Variants in XG observed in about 807,000 individuals in gnomAD.
XG encodes the protein Xg glycoprotein (Xg blood group).
A neutral mutation model predicts 25.7 loss-of-function variants in XG; 24 were observed. The ratio of observed to expected loss-of-function variants is 0.93; its 90% CI spans 0.68 to 1.31. XG has a LOEUF of 1.31. Among genes scored for constraint, XG ranks in the 40% most tolerant of loss-of-function variants. The pLI is 0.00. For synonymous variants in XG, 77 were observed against 69.2 expected, an observed-to-expected ratio of 1.11 and a Z score of -0.56; for missense variants, 181 against 187.6, an observed-to-expected ratio of 0.96 and a Z score of 0.21.
At chrX:2,783,046 T>C (rs2086747027) in intron 4 of XG, among the ~76,000 whole-genome samples, 1 of 111,250 alleles carries the variant, frequency 9.0e-6, no homozygotes, top group African/African-American at 3.3e-5. Context: ...ACTGTCATCA[T>C]TTCCTCAGTC....
chrX:2,784,268 C>T (rs1480487399), intron 4 of XG, among the ~76,000 whole-genome samples: 8 of 111,124 alleles, frequency 7.2e-5, no homozygotes, highest in Non-Finnish European at 7.5e-5. Flanking sequence ...GTGGGCTTCC[C>T]TCCCAGAGAA....
At chrX:2,778,409 G>A (rs549236263) in intron 3 of XG, among the ~76,000 whole-genome samples, 1 of 152,226 alleles carries the variant, frequency 6.6e-6, no homozygotes, top group African/African-American at 2.4e-5. Context: ...AGTGGACATG[G>A]TGGCATGCAC....
intron 4 of XG, among the ~76,000 whole-genome samples, chrX:2,788,049 A>T (rs774377976): frequency 1.8e-4 from 20 of 110,961 alleles, no homozygotes; most frequent in Non-Finnish European, 3.6e-4. Context: ...TCACCACTGC[A>T]CTCCAGCCTG....
chrX:2,794,655 T>G (rs2086867815), intron 6 of XG, 52 bp downstream of exon 6: 1 of 1,170,991 alleles, frequency 8.5e-7, no homozygotes, highest in African/African-American at 1.8e-5. Flanking sequence ...ACAGAGAGGG[T>G]GGGATGAGAG....
rs2087095418 is a variant in XG, at chrX:2,815,501, A to C, written c.*1121A>C. On this transcript the variant is annotated 3_prime_UTR_variant, in exon 11 of 11. Coordinates refer to ENST00000644266, the MANE Select transcript of XG (RefSeq NM_001141919.2). Reference sequence around the variant, plus strand: ...TCACCATTATGAATTGGGGTCTTCAAAGAGAGAAGGTTGAAAGTGGAAAGC... The same window carrying C: ...TCACCATTATGAATTGGGGTCTTCACAGAGAGAAGGTTGAAAGTGGAAAGC... 1 of 111,819 alleles carries C rather than the reference A, an allele frequency of 8.9e-6. No homozygotes were observed. The highest frequency in any genetic ancestry group is 3.7e-4 in the South Asian group (1 of 2,678). The allele number at this position is 111,819 out of a possible 1,213,427, so 9.2% of individuals were successfully genotyped here. A position where few individuals can be genotyped will look rare whatever the true frequency, so the allele number is the denominator to read the frequency against.
chrX:2,762,901 C>T (rs964697085), intron 1 of XG, among the ~76,000 whole-genome samples: 1 of 152,166 alleles, frequency 6.6e-6, no homozygotes, highest in Non-Finnish European at 1.5e-5. Context: ...CCAGGCACCT[C>T]GCTGGCCTTG....
intron 6 of XG, among the ~76,000 whole-genome samples, chrX:2,795,641 T>C (rs943238512): frequency 4.5e-5 from 5 of 110,705 alleles, no homozygotes; most frequent in African/African-American, 1.6e-4. Context: ...TTTAAATATG[T>C]ATATACATAT....
chrX:2,814,269 C>A (rs1244000270), intron 10 of XG, 95 bp from the exon 11 acceptor site: 138 of 1,027,644 alleles, frequency 1.3e-4, no homozygotes, highest in Non-Finnish European at 1.8e-4. Flanking sequence ...TCTCTTGTAA[C>A]AGCATAGAAT....
chrX:2,766,739 G>A (rs1462939318), intron 1 of XG, among the ~76,000 whole-genome samples: 1 of 150,286 alleles, frequency 6.7e-6, no homozygotes, highest in East Asian at 2.0e-4. Context: ...TAATTTTTTT[G>A]TATTTTTACT....
chrX:2,786,260 C>CTTTTTTTTTTTTTTTT lies in XG; in HGVS notation c.191-3382_191-3367dup, dbSNP rs1179667048. ...CCCCAGCAGCTCCTATCCATGTTGT[C>CTTTTTTTTTTTTTTTT]TTTTTTTTTTTTTTTTTCAGACAGA... On this transcript the variant is annotated intron_variant, in intron 4 of 10. Transcript: ENST00000644266. 2.8e-4 allele frequency among the ~76,000 whole-genome samples: 17 copies of CTTTTTTTTTTTTTTTT among 60,569 alleles called. 1 individual carries two copies. Among genetic ancestry groups the CTTTTTTTTTTTTTTTT allele is most frequent in the African/African-American group, 9.1e-4 (13 of 14,219 alleles). 52.6% of individuals were successfully genotyped at this position (60,569 alleles called of 115,157 possible).
At chrX:2,772,263 T>C (rs2050834424) in intron 2 of XG, among the ~76,000 whole-genome samples, 1 of 152,130 alleles carries the variant, frequency 6.6e-6, no homozygotes, top group Non-Finnish European at 1.5e-5. Context: ...GTTATTTGTG[T>C]ACCCATGTTT....
intron 2 of XG, among the ~76,000 whole-genome samples, chrX:2,770,797 G>C (rs957725485): frequency 1.3e-5 from 2 of 152,074 alleles, no homozygotes; most frequent in Non-Finnish European, 2.9e-5. Flanking sequence ...TGGTAGGTCT[G>C]TGCTTCTAAA....
At chrX:2,797,500 C>A (rs1401721608) in intron 7 of XG, 140 bp downstream of exon 7, 1 of 691,679 alleles carries the variant, frequency 1.4e-6, no homozygotes, top group Non-Finnish European at 2.2e-6. Context: ...GCCTGGTCTT[C>A]TGAGAACCTG....
chrX:2,760,166 C>T (rs1365639574), intron 1 of XG, among the ~76,000 whole-genome samples: 1 of 151,408 alleles, frequency 6.6e-6, no homozygotes, highest in African/African-American at 2.4e-5. Flanking sequence ...GGCAACAGAG[C>T]GAGACTCTGT....
At chrX:2,811,532 T>A in intron 10 of XG, 80 bp downstream of exon 10, 1 of 715,166 alleles carries the variant, frequency 1.4e-6, no homozygotes, top group Non-Finnish European at 2.1e-6. Flanking sequence ...TGTCTGTCAC[T>A]AGCAAGGTTA....
At chrX:2,777,581 AGGCT>A (rs1338142592) in intron 3 of XG, among the ~76,000 whole-genome samples, 1 of 152,144 alleles carries the variant, frequency 6.6e-6, no homozygotes, top group African/African-American at 2.4e-5. Flanking sequence ...TGGCAGAGCC[AGGCT>A]TTGTCTCAAA....
intron 1 of XG, among the ~76,000 whole-genome samples, chrX:2,762,856 A>C (rs1047588803): frequency 6.6e-6 from 1 of 152,182 alleles, no homozygotes; most frequent in Non-Finnish European, 1.5e-5. Flanking sequence ...TAGCATGGAA[A>C]TAAAGGAAAA....
chrX:2,763,420 G>A (rs1252691380), intron 1 of XG, among the ~76,000 whole-genome samples: 2 of 151,688 alleles, frequency 1.3e-5, no homozygotes, highest in East Asian at 3.9e-4. Context: ...AAGAGAAACT[G>A]AGGCCTGAAT....
intron 3 of XG, among the ~76,000 whole-genome samples, chrX:2,779,285 G>A (rs1377091074): frequency 2.0e-5 from 3 of 147,496 alleles, no homozygotes; most frequent in Non-Finnish European, 4.4e-5. Flanking sequence ...GCAGTGAGCC[G>A]AGATCCTGCC....
Sources: gnomAD v4.1 joint callset for allele counts (sites outside exome capture counted in the v4.1 genomes callset) on GRCh38, gnomAD v4.1.1 for gene constraint, MANE v1.5 for transcripts, NCBI Gene and HGNC (gene_info 2026-07-23, HGNC 2026-07-21) for gene names.